GNAQ: variants seen among roughly 807,000 people sequenced by gnomAD.
GNAQ encodes the protein G protein subunit alpha q, also known as guanine nucleotide-binding protein G(q) subunit alpha.
In GNAQ, 8 loss-of-function variants were observed where a neutral mutation model predicts 43.9. The ratio of observed to expected loss-of-function variants is 0.18; its 90% CI spans 0.11 to 0.33. The LOEUF (loss-of-function observed/expected upper bound fraction) is 0.33. Ranked by LOEUF, GNAQ falls within the 10% of genes least tolerant of loss-of-function variation. The pLI is 1.00. For missense variants in GNAQ, 158 were observed against 450.8 expected (o/e 0.35, Z 5.88); for synonymous variants, 155 against 170.7 (o/e 0.91, Z 0.71).
chr9:77,811,293 T>C (rs544249857), intron 3 of GNAQ, among the ~76,000 whole-genome samples: 8 of 151,118 alleles, frequency 5.3e-5, no homozygotes, highest in Admixed American at 1.3e-4. Context: ...ATTATAAAGA[T>C]AGGAACAATT....
intron 2 of GNAQ, among the ~76,000 whole-genome samples, chr9:77,855,793 A>T (rs1264964883): frequency 6.6e-6 from 1 of 152,178 alleles, no homozygotes; most frequent in Non-Finnish European, 1.5e-5. Flanking sequence ...CATTTGCTAT[A>T]AAAGTCATGA....
At chr9:77,878,483 G>C (rs1828161197) in intron 2 of GNAQ, among the ~76,000 whole-genome samples, 1 of 151,910 alleles carries the variant, frequency 6.6e-6, no homozygotes, top group Non-Finnish European at 1.5e-5. Context: ...CTAATAAATA[G>C]GATTTTTGAA....
At chr9:78,005,317 T>C (rs913986196) in intron 1 of GNAQ, among the ~76,000 whole-genome samples, 4 of 152,146 alleles carry the variant, frequency 2.6e-5, no homozygotes, top group Non-Finnish European at 5.9e-5. Flanking sequence ...AGTGCTGGGA[T>C]TATAGGCATG....
At chr9:77,775,303 G>A (rs1270120295) in intron 5 of GNAQ, among the ~76,000 whole-genome samples, 2 of 152,092 alleles carry the variant, frequency 1.3e-5, no homozygotes, top group Non-Finnish European at 2.9e-5. Context: ...GGATCAAAGG[G>A]TATAAACACC....
At chr9:77,754,237 C>T (rs1298374865) in intron 5 of GNAQ, among the ~76,000 whole-genome samples, 1 of 152,098 alleles carries the variant, frequency 6.6e-6, no homozygotes. Context: ...TACTTAACTG[C>T]TATGAAAATG....
intron 1 of GNAQ, among the ~76,000 whole-genome samples, chr9:78,029,486 T>C (rs1824022828): frequency 6.6e-6 from 1 of 152,140 alleles, no homozygotes; most frequent in South Asian, 2.1e-4. Flanking sequence ...AAAAAATCTT[T>C]ACTTTCCAAT....
intron 1 of GNAQ, among the ~76,000 whole-genome samples, chr9:77,935,803 C>CGGGTCTT: frequency 6.6e-6 from 1 of 152,282 alleles, no homozygotes; most frequent in Non-Finnish European, 1.5e-5. Flanking sequence ...CAGGAACAGA[C>CGGGTCTT]GTGCAACAAA....
rs73653008 is a variant in GNAQ, at chr9:77,826,114, T to C, written c.322-10344A>G. The stretch of plus-strand genomic sequence containing the variant: ...AGGCTGTAGCTAAGAAGGCTGCCAA[T>C]AGCTTCCCACTATTGTCAAGAATAA... On this transcript the variant is annotated intron_variant, in intron 2 of 6. Coordinates refer to ENST00000286548, the MANE Select transcript of GNAQ (RefSeq NM_002072.5). Among the ~76,000 whole-genome samples, 526 of 152,318 alleles carry C rather than the reference T, an allele frequency of 3.5e-3. 2 individuals are homozygous for C. Among genetic ancestry groups the C allele is most frequent in the African/African-American group, 0.012 (493 of 41,578 alleles).
chr9:77,829,652 G>C (rs1827264370), intron 2 of GNAQ, among the ~76,000 whole-genome samples: 1 of 152,156 alleles, frequency 6.6e-6, no homozygotes. Context: ...GAGAACAGAG[G>C]GGAGGGCTGA....
At chr9:77,770,031 C>A (rs1039383388) in intron 5 of GNAQ, among the ~76,000 whole-genome samples, 2 of 152,068 alleles carry the variant, frequency 1.3e-5, no homozygotes, top group African/African-American at 4.8e-5. Flanking sequence ...AGCAGCTTTT[C>A]CTCATAATGA....
intron 5 of GNAQ, among the ~76,000 whole-genome samples, chr9:77,792,447 G>A (rs1002279766): frequency 3.3e-5 from 5 of 151,938 alleles, no homozygotes; most frequent in Admixed American, 2.0e-4. Flanking sequence ...TAATAAAAAC[G>A]ATGCCATTTT....
chr9:77,890,132 T>C lies in GNAQ; in HGVS notation c.321+32029A>G, dbSNP rs1403969089. 3.3e-5 allele frequency among the ~76,000 whole-genome samples: 5 copies of C among 152,308 alleles called. No homozygotes were observed. The East Asian group carries it at 5.8e-4, about 18-fold the overall frequency. ...AATGTTTAAATTTTGAAATACTTTATCTTAGTTATAATGTATCTTAATTCT... is the reference window on the plus strand; with the variant it reads ...AATGTTTAAATTTTGAAATACTTTACCTTAGTTATAATGTATCTTAATTCT... On this transcript the variant is annotated intron_variant, in intron 2 of 6. Transcript: ENST00000286548.
At chr9:77,944,192 T>A (rs1293115963) in intron 1 of GNAQ, among the ~76,000 whole-genome samples, 2 of 152,056 alleles carry the variant, frequency 1.3e-5, no homozygotes, top group East Asian at 3.8e-4. Context: ...TAGTACTTTT[T>A]TTCTTAATCT....
In GNAQ at chr9:77,914,940, C is replaced by G. The variant is rs1828873066; in HGVS notation, c.321+7221G>C. ...GCTGGAGACCATTATCAAAGCAAAT[C>G]TGTTGTTTATTGTCTTTTTAAAAAT... On this transcript the variant is annotated intron_variant, in intron 2 of 6. Transcript: ENST00000286548. Among the ~76,000 whole-genome samples the G allele has an allele frequency of 2.0e-5, 3 of 151,322 alleles. No individual in the cohort carries two copies. The South Asian group carries it at 6.2e-4, about 31-fold the overall frequency.
In GNAQ at chr9:77,984,878, C is replaced by G. The variant is rs7875151; in HGVS notation, c.136+46222G>C. ...ATGGAGCAATCCTCCAACATCTATT[C>G]AGGTATTTAAGAGGTGAGAGGAGAA... On this transcript the variant is annotated intron_variant, in intron 1 of 6. Transcript: ENST00000286548. Among the ~76,000 whole-genome samples, 1,202 of 152,220 alleles carry G rather than the reference C, an allele frequency of 7.9e-3. 12 individuals are homozygous for G. The highest frequency in any genetic ancestry group is 0.027 in the African/African-American group (1,141 of 41,518).
chr9:77,990,367 A>C (rs1823493498), intron 1 of GNAQ, among the ~76,000 whole-genome samples: 1 of 152,208 alleles, frequency 6.6e-6, no homozygotes, highest in Non-Finnish European at 1.5e-5. Context: ...CCAAATGAGC[A>C]TGCCATTATG....
intron 3 of GNAQ, among the ~76,000 whole-genome samples, chr9:77,808,865 T>TAAAA (rs531696724): frequency 6.7e-6 from 1 of 150,350 alleles, no homozygotes; most frequent in African/African-American, 2.5e-5. Flanking sequence ...GGCTTAAACT[T>TAAAA]AAAAAAAACA....
At chr9:77,996,697 GAAAAAAGA>G (rs1823574290) in intron 1 of GNAQ, among the ~76,000 whole-genome samples, 2 of 136,102 alleles carry the variant, frequency 1.5e-5, no homozygotes, top group Non-Finnish European at 1.6e-5. Context: ...AAAAAAAAAA[GAAAAAAGA>G]AAAAAAGAAA....
At chr9:78,008,563 T>C (rs1823733198) in intron 1 of GNAQ, among the ~76,000 whole-genome samples, 1 of 151,242 alleles carries the variant, frequency 6.6e-6, no homozygotes, top group Non-Finnish European at 1.5e-5. Context: ...CACTTAACTA[T>C]CGATTTATTT....
Sources: gnomAD v4.1 joint callset for allele counts (sites outside exome capture counted in the v4.1 genomes callset) on GRCh38, gnomAD v4.1.1 for gene constraint, MANE v1.5 for transcripts, NCBI Gene and HGNC (gene_info 2026-07-23, HGNC 2026-07-21) for gene names.